The following DGKI variants were observed in gnomAD, a reference collection of about 807,000 sequenced individuals.
DGKI encodes DAG kinase iota.
Under a neutral mutation model 147.5 loss-of-function variants are expected in DGKI, and 55 were observed. The ratio of observed to expected loss-of-function variants is 0.37; its 90% CI spans 0.30 to 0.47. The LOEUF is 0.47. DGKI is among the 20% of genes least tolerant of loss of function. DGKI has a pLI of 1.00. For missense variants in DGKI, 1,007 were observed against 1,323.8 expected (o/e 0.76, Z 3.71); for synonymous variants, 469 against 477.1 (o/e 0.98, Z 0.22).
intron 20 of DGKI, among the ~76,000 whole-genome samples, chr7:137,522,413 A>C (rs1459677055): frequency 1.3e-5 from 2 of 152,094 alleles, no homozygotes; most frequent in Non-Finnish European, 2.9e-5. Flanking sequence ...TTTAAAAAGC[A>C]GACCAAGAGT....
intron 20 of DGKI, among the ~76,000 whole-genome samples, chr7:137,543,184 T>G (rs977086565): frequency 6.6e-6 from 1 of 152,212 alleles, no homozygotes; most frequent in Non-Finnish European, 1.5e-5. Context: ...TCATGATTTA[T>G]GAAATGTAGT....
At position 137,386,581 on chromosome 7, in the gene DGKI, T is replaced by G. The variant is rs4283969; in HGVS notation, c.*4639A>C. On this transcript the variant is annotated 3_prime_UTR_variant, in exon 33 of 33. Coordinates refer to ENST00000614521, the MANE Select transcript of DGKI (RefSeq NM_001321708.2). ...TTTTGAGCATAATATCTGGGGAAGA[T>G]TTTTGCAACTGCGTGACAAAATTAT... 0.31 allele frequency: 47,111 copies of G among 151,952 alleles called. 7,660 individuals carry two copies. Among genetic ancestry groups the G allele is most frequent in the Admixed American group, 0.37 (5,563 of 15,238 alleles). 9.4% of individuals were successfully genotyped at this position (151,952 alleles called of 1,614,324 possible).
intron 1 of DGKI, among the ~76,000 whole-genome samples, chr7:137,713,265 C>G (rs932315100): frequency 8.5e-5 from 13 of 152,106 alleles, no homozygotes; most frequent in Non-Finnish European, 1.8e-4. Flanking sequence ...ATACCTGGCT[C>G]CAGCTTGGAA....
chr7:137,531,633 G>A (rs140731686), intron 20 of DGKI, among the ~76,000 whole-genome samples: 205 of 152,246 alleles, frequency 1.3e-3, no homozygotes, highest in African/African-American at 4.4e-3. Flanking sequence ...CAGTTTCTAT[G>A]TATCAGAGGG....
At chr7:137,463,674 A>G (rs144417905) in intron 26 of DGKI, 63 bp from the exon 27 acceptor site, 571 of 1,581,866 alleles carry the variant, frequency 3.6e-4, no homozygotes, top group Non-Finnish European at 4.8e-4. Flanking sequence ...CTTCGTTTCC[A>G]CTTTCTGAAG....
At chr7:137,536,203 C>T (rs935767545) in intron 20 of DGKI, among the ~76,000 whole-genome samples, 1 of 152,078 alleles carries the variant, frequency 6.6e-6, no homozygotes, top group African/African-American at 2.4e-5. Flanking sequence ...GCCTTAAATG[C>T]TACGATGTCA....
At chr7:137,658,627 G>A (rs1822308538) in intron 3 of DGKI, among the ~76,000 whole-genome samples, 1 of 152,176 alleles carries the variant, frequency 6.6e-6, no homozygotes, top group South Asian at 2.1e-4. Flanking sequence ...AAGTTCTATG[G>A]AGTTCCAGGG....
intron 30 of DGKI, among the ~76,000 whole-genome samples, chr7:137,402,505 T>C (rs1321514887): frequency 3.3e-5 from 5 of 152,262 alleles, no homozygotes; most frequent in Non-Finnish European, 5.9e-5. Context: ...ACTCATTCCA[T>C]AGGCTCTTCT....
At position 137,623,357 on chromosome 7, in the gene DGKI, C is replaced by T. The variant is rs543631272; in HGVS notation, c.876+126G>A. The T allele has an allele frequency of 5.5e-5, 47 of 854,956 alleles. 1 individual carries two copies. The African/African-American group carries it at 7.8e-4, about 14-fold the overall frequency. 53.0% of individuals were successfully genotyped at this position (854,956 alleles called of 1,614,324 possible). A position where few individuals can be genotyped will look rare whatever the true frequency, so the allele number is the denominator to read the frequency against. On this transcript the variant is annotated intron_variant, in intron 7 of 32. Transcript: ENST00000614521. ...GTCTGTCTTTCTTCCTCCAAGGATC[C>T]TATATGAGAAAAGCAATACATTAAA...
chr7:137,411,698 C>G (rs1272948589), intron 29 of DGKI, among the ~76,000 whole-genome samples: 1 of 152,144 alleles, frequency 6.6e-6, no homozygotes, highest in Non-Finnish European at 1.5e-5. Context: ...AACACAAACA[C>G]AAATTAAACT....
chr7:137,582,434 C>CTCTCTCTA lies in DGKI; in HGVS notation c.1564-507_1564-506insTAGAGAGA, dbSNP rs954743154. ...CCATTTTCTCTCTCTCTCTCTCTCTCTATATATATATATATATACACACAC... is the reference window on the plus strand; with the variant it reads ...CCATTTTCTCTCTCTCTCTCTCTCTCTCTCTCTATATATATATATATATATACACACAC... On this transcript the variant is annotated intron_variant, in intron 14 of 32. Coordinates refer to ENST00000614521, the MANE Select transcript of DGKI (RefSeq NM_001321708.2). Among the ~76,000 whole-genome samples the CTCTCTCTA allele has an allele frequency of 5.3e-3, 780 of 148,372 alleles. 5 individuals are homozygous for CTCTCTCTA. The highest frequency in any genetic ancestry group is 0.018 in the African/African-American group (736 of 40,068).
At chr7:137,785,295 A>G (rs1013249185) in intron 1 of DGKI, among the ~76,000 whole-genome samples, 64 of 152,260 alleles carry the variant, frequency 4.2e-4, no homozygotes, top group African/African-American at 1.5e-3. Flanking sequence ...AATGGGAGAT[A>G]TTACAACTAA....
intron 6 of DGKI, among the ~76,000 whole-genome samples, chr7:137,644,882 T>C (rs754252640): frequency 2.0e-5 from 3 of 152,166 alleles, no homozygotes; most frequent in Non-Finnish European, 4.4e-5. Context: ...CATTTAATAG[T>C]ATACAATCAC....
intron 21 of DGKI, among the ~76,000 whole-genome samples, chr7:137,513,662 C>A (rs542933097): frequency 6.6e-6 from 1 of 152,274 alleles, no homozygotes; most frequent in African/African-American, 2.4e-5. Flanking sequence ...TACTACACAC[C>A]TAGGCTATAC....
chr7:137,632,096 A>G (rs572982117), intron 6 of DGKI, among the ~76,000 whole-genome samples: 1 of 152,338 alleles, frequency 6.6e-6, no homozygotes, highest in South Asian at 2.1e-4. Flanking sequence ...ACTTACTGTA[A>G]GATTGAAGTT....
chr7:137,577,183 C>T (rs1353899221), intron 17 of DGKI, 39 bp downstream of exon 17: 7 of 1,430,934 alleles, frequency 4.9e-6, no homozygotes, highest in Non-Finnish European at 6.8e-6. Flanking sequence ...GCAGTCATAT[C>T]ATATTCAAAT....
At chr7:137,474,464 A>G (rs1454001113) in intron 23 of DGKI, among the ~76,000 whole-genome samples, 2 of 152,222 alleles carry the variant, frequency 1.3e-5, no homozygotes, top group South Asian at 2.1e-4. Context: ...TGCTGAAAAT[A>G]TATCTCAAAG....
At chr7:137,420,551 T>C (rs2128905688) in intron 28 of DGKI, among the ~76,000 whole-genome samples, 1 of 152,218 alleles carries the variant, frequency 6.6e-6, no homozygotes, top group East Asian at 1.9e-4. Context: ...ATCTGGTTTA[T>C]GTCATGAGTA....
intron 19 of DGKI, among the ~76,000 whole-genome samples, chr7:137,553,823 A>G (rs1158135270): frequency 6.6e-6 from 1 of 152,212 alleles, no homozygotes; most frequent in Non-Finnish European, 1.5e-5. Flanking sequence ...AGAAGTTACT[A>G]AAATTCTTTT....
Sources: allele counts gnomAD v4.1 joint callset (sites outside exome capture counted in the v4.1 genomes callset), GRCh38; gene constraint gnomAD v4.1.1; transcripts MANE v1.5; gene names NCBI Gene and HGNC (gene_info 2026-07-23, HGNC 2026-07-21).